UGT2A2: variants seen among roughly 807,000 people sequenced by gnomAD.
UGT2A2 encodes the protein UDP glucuronosyltransferase family 2 member A2.
A neutral mutation model predicts 50.7 loss-of-function variants in UGT2A2; 60 were observed. The ratio of observed to expected loss-of-function variants is 1.18; its 90% confidence interval spans 0.96 to 1.47. The LOEUF is 1.47. Among genes scored for constraint, UGT2A2 ranks in the 40% most tolerant of loss-of-function variants. The pLI, the probability that UGT2A2 is intolerant of heterozygous loss-of-function variation, is 0.00. For missense variants in UGT2A2, 762 were observed against 634.0 expected, an observed-to-expected ratio of 1.20 and a Z score of -2.17; for synonymous variants, 242 against 214.6, an observed-to-expected ratio of 1.13 and a Z score of -1.11.
chr4:69,639,225 A>G lies in UGT2A2; in HGVS notation c.416T>C (p.Leu139Pro), dbSNP rs778101194. The G allele has an allele frequency of 6.2e-7, 1 of 1,613,726 alleles. No individual in the cohort carries two copies. Among genetic ancestry groups the G allele is most frequent in the Non-Finnish European group, 8.5e-7 (1 of 1,179,754 alleles). Reference sequence around the variant, plus strand: ...TCTTGCCATCAACTTTGGGTTCTTTAGTACACCATCACAGAGTTGTATGTT... The same window carrying G: ...TCTTGCCATCAACTTTGGGTTCTTTGGTACACCATCACAGAGTTGTATGTT... The part of the protein sequence containing the change: ...QINIQLCDGV[L>P]KNPKLMARLQ... The change falls in exon 1 of 6, where the codon CTA becomes CCA. Residue 139 changes from leucine to proline, a missense_variant. Coordinates refer to ENST00000604629, the MANE Select transcript of UGT2A2 (RefSeq NM_001105677.2).
chr4:69,628,177 G>A (rs1470700526), intron 1 of UGT2A2, among the ~76,000 whole-genome samples: 1 of 151,804 alleles, frequency 6.6e-6, no homozygotes, highest in African/African-American at 2.4e-5. Flanking sequence ...GCATCAAAAT[G>A]TCCATGTTAC....
chr4:69,624,594 A>AT (rs888519279), intron 1 of UGT2A2, among the ~76,000 whole-genome samples: 2 of 149,626 alleles, frequency 1.3e-5, no homozygotes, highest in African/African-American at 4.9e-5. Context: ...ATCCTAGTTG[A>AT]TTTTTTTTAG....
At chr4:69,617,308 G>C (rs1158335314) in intron 1 of UGT2A2, among the ~76,000 whole-genome samples, 1 of 151,834 alleles carries the variant, frequency 6.6e-6, no homozygotes, top group Non-Finnish European at 1.5e-5. Flanking sequence ...ATGGTTGATA[G>C]TGCTGAATAA....
intron 5 of UGT2A2, among the ~76,000 whole-genome samples, chr4:69,590,064 C>G (rs1318260056): frequency 6.6e-6 from 1 of 152,084 alleles, no homozygotes; most frequent in Non-Finnish European, 1.5e-5. Context: ...GTTCATATGA[C>G]AGACAAAGGA....
intron 1 of UGT2A2, among the ~76,000 whole-genome samples, chr4:69,628,312 T>C (rs1721205171): frequency 6.6e-6 from 1 of 151,812 alleles, no homozygotes. Context: ...AGCAACTTTG[T>C]GCAAGAAGAG....
chr4:69,594,652 C>A lies in UGT2A2; in HGVS notation c.1156G>T (p.Gly386Trp), dbSNP rs371155907. Residue 386 changes from glycine to tryptophan, a missense_variant, in exon 5 of 6, where the codon GGG (glycine) becomes TGG (tryptophan). By Grantham distance (184) the Gly-to-Trp change is radical. Transcript: ENST00000604629. ...CCGTGGTAAATAGCTTCGTAGATCC[C>A]ATTAGTTCCACCATGAGTGATAAAA... ...KAFITHGGTNGIYEAIYHGVP... is the reference protein window; with the variant it reads ...KAFITHGGTNWIYEAIYHGVP... 1.2e-4 allele frequency: 192 copies of A among 1,613,910 alleles called. No individual in the cohort carries two copies. The highest frequency in any genetic ancestry group is 1.5e-4 in the Non-Finnish European group (173 of 1,180,022).
chr4:69,633,731 T>A (rs1577994660), intron 1 of UGT2A2, among the ~76,000 whole-genome samples: 1 of 152,130 alleles, frequency 6.6e-6, no homozygotes, highest in African/African-American at 2.4e-5. Context: ...TATATAACGT[T>A]TAAAGTCAAG....
At chr4:69,623,503 A>G (rs966238219) in intron 1 of UGT2A2, among the ~76,000 whole-genome samples, 3 of 151,798 alleles carry the variant, frequency 2.0e-5, no homozygotes, top group Non-Finnish European at 2.9e-5. Flanking sequence ...GTAAAAAAAT[A>G]GCATAATATT....
intron 1 of UGT2A2, among the ~76,000 whole-genome samples, chr4:69,601,167 T>A (rs902668817): frequency 6.6e-6 from 1 of 152,094 alleles, no homozygotes; most frequent in Non-Finnish European, 1.5e-5. Context: ...CCCATGTGGA[T>A]TCTTCTGTGC....
intron 1 of UGT2A2, among the ~76,000 whole-genome samples, chr4:69,612,972 A>T (rs2109920648): frequency 6.6e-6 from 1 of 151,984 alleles, no homozygotes; most frequent in Non-Finnish European, 1.5e-5. Flanking sequence ...ATATTTACAA[A>T]CTATTCATTT....
chr4:69,595,307 T>A, intron 3 of UGT2A2, 58 bp from the exon 4 acceptor site: 3 of 1,584,760 alleles, frequency 1.9e-6, no homozygotes, highest in Non-Finnish European at 2.6e-6. Flanking sequence ...CATTTTAAGT[T>A]GGGAGAATTA....
At chr4:69,627,272 A>T (rs1051875208) in intron 1 of UGT2A2, among the ~76,000 whole-genome samples, 1 of 151,710 alleles carries the variant, frequency 6.6e-6, no homozygotes, top group Non-Finnish European at 1.5e-5. Context: ...AGAGATTTAT[A>T]AAAAAAATCA....
At chr4:69,598,936 A>ATAC (rs1251544959) in intron 2 of UGT2A2, among the ~76,000 whole-genome samples, 1 of 152,112 alleles carries the variant, frequency 6.6e-6, no homozygotes, top group African/African-American at 2.4e-5. Flanking sequence ...GCTTGGTAAG[A>ATAC]CTAGGGCAGT....
chr4:69,601,779 T>C (rs1328371609), intron 1 of UGT2A2, among the ~76,000 whole-genome samples: 1 of 138,830 alleles, frequency 7.2e-6, no homozygotes, highest in Non-Finnish European at 1.5e-5. Context: ...GTCATATCAC[T>C]GGATCCCTTG....
chr4:69,638,862 A>C (rs1452825362), intron 1 of UGT2A2, 37 bp downstream of exon 1: 4 of 1,505,316 alleles, frequency 2.7e-6, no homozygotes, highest in Non-Finnish European at 3.6e-6. Context: ...TAAATAAGGG[A>C]TGTGGAGTCA....
At chr4:69,597,987 G>A (rs558091307) in intron 2 of UGT2A2, among the ~76,000 whole-genome samples, 3 of 152,250 alleles carry the variant, frequency 2.0e-5, no homozygotes, top group Admixed American at 6.5e-5. Context: ...GTGAGAATAT[G>A]TGTATATGTG....
Position 69,639,623 on chromosome 4 carries a change from A to T in UGT2A2, c.18T>A (p.Asp6Glu). ...GGACAAACTTCTTAGGCATGGTAAA[A>T]TCCCTTATGGAAACCATCCTACTGT... is the stretch of plus-strand genomic sequence containing the variant. MVSIR[D>E]FTMPKKFVQM... is the part of the protein sequence containing the mutation. Residue 6 changes from aspartate to glutamate, a missense_variant, in exon 1 of 6, where the codon GAT (aspartate) becomes GAA (glutamate). Asp to Glu is a conservative substitution (Grantham distance 45). Transcript: ENST00000604629. The T allele has an allele frequency of 4.4e-6, 7 of 1,590,002 alleles. No individual in the cohort carries two copies. The highest frequency in any genetic ancestry group is 6.0e-6 in the Non-Finnish European group (7 of 1,171,354).
intron 1 of UGT2A2, among the ~76,000 whole-genome samples, chr4:69,627,575 AG>A: frequency 6.7e-6 from 1 of 149,466 alleles, no homozygotes; most frequent in Admixed American, 6.7e-5. Flanking sequence ...AGAAAGAAAG[AG>A]AGAAAGAAAA....
At chr4:69,624,904 G>A (rs1044615575) in intron 1 of UGT2A2, among the ~76,000 whole-genome samples, 3 of 150,928 alleles carry the variant, frequency 2.0e-5, no homozygotes, top group Admixed American at 1.3e-4. Flanking sequence ...CATTCGTCTA[G>A]ATCGAAATTT....
Sources: gnomAD v4.1 joint callset for allele counts (sites outside exome capture counted in the v4.1 genomes callset) on GRCh38, gnomAD v4.1.1 for gene constraint, MANE v1.5 for transcripts, NCBI Gene and HGNC (gene_info 2026-07-23, HGNC 2026-07-21) for gene names.